PARD3: variants seen among roughly 807,000 people sequenced by gnomAD.
PARD3 encodes the protein partitioning defective 3 homolog.
PARD3 carries 75 observed loss-of-function variants against 155.4 expected under a neutral mutation model. The observed-to-expected ratio is 0.48, with a 90% CI of 0.40 to 0.58. The LOEUF (loss-of-function observed/expected upper bound fraction) is 0.58, where lower values mean the gene tolerates loss of function less well. Ranked by LOEUF, PARD3 falls within the 20% of genes least tolerant of loss-of-function variation. The probability of loss-of-function intolerance (pLI) is 0.00; values close to 1 mark genes in which losing one functional copy is unlikely to be tolerated. For missense variants in PARD3, 1,642 were observed against 1,721.7 expected (o/e 0.95, Z 0.82); for synonymous variants, 576 against 610.5 (o/e 0.94, Z 0.83).
intron 22 of PARD3, among the ~76,000 whole-genome samples, chr10:34,140,704 G>A: frequency 6.6e-6 from 1 of 152,154 alleles, no homozygotes; most frequent in East Asian, 1.9e-4. Flanking sequence ...GCTTCATTAA[G>A]TTTTATCAGC....
At chr10:34,358,989 C>T (rs1401237245) in intron 14 of PARD3, among the ~76,000 whole-genome samples, 158 bp downstream of exon 14, 1 of 152,162 alleles carries the variant, frequency 6.6e-6, no homozygotes, top group African/African-American at 2.4e-5. Flanking sequence ...AGAACACAAA[C>T]CACAATCCAC....
chr10:34,681,762 ATATATATTTTTTTTTTTTTTTT>A (rs2093841585), intron 2 of PARD3, among the ~76,000 whole-genome samples: 1 of 22,404 alleles, frequency 4.5e-5, no homozygotes, highest in Non-Finnish European at 7.2e-5. Context: ...ATATATATAT[ATATATATTTTTTTTTTTTTTTT>A]TTTTTTTTTT....
At chr10:34,312,266 TTAAAAG>T (rs1957740141) in intron 20 of PARD3, 2 of 1,603,804 alleles carry the variant, frequency 1.2e-6, no homozygotes, top group Non-Finnish European at 1.7e-6. Context: ...TAAGAATTCA[TTAAAAG>T]TAAATTTATT....
chr10:34,129,873 T>C (rs1588873627), intron 23 of PARD3, among the ~76,000 whole-genome samples: 1 of 150,060 alleles, frequency 6.7e-6, no homozygotes. Flanking sequence ...TCTCCCTATG[T>C]TGCCCAAGCT....
chr10:34,718,603 G>C (rs143073020), intron 1 of PARD3, among the ~76,000 whole-genome samples: 4 of 152,112 alleles, frequency 2.6e-5, no homozygotes, highest in African/African-American at 7.2e-5. Flanking sequence ...AGGATGCAGT[G>C]AGCTGTGATC....
At chr10:34,373,631 A>G (rs1209231742) in intron 11 of PARD3, among the ~76,000 whole-genome samples, 2 of 152,070 alleles carry the variant, frequency 1.3e-5, no homozygotes, top group African/African-American at 4.8e-5. Context: ...GGGGAAAACG[A>G]AAAACTGAAT....
intron 22 of PARD3, among the ~76,000 whole-genome samples, chr10:34,252,947 T>C (rs1324099689): frequency 6.6e-6 from 1 of 152,176 alleles, no homozygotes; most frequent in Non-Finnish European, 1.5e-5. Context: ...TGTAGGAAAC[T>C]GTGAACCTGT....
At chr10:34,569,224 G>A (rs1026156039) in intron 2 of PARD3, among the ~76,000 whole-genome samples, 6 of 152,080 alleles carry the variant, frequency 3.9e-5, no homozygotes, top group Non-Finnish European at 8.8e-5. Flanking sequence ...GTAGAGAAAC[G>A]CAAAATCATT....
chr10:34,507,548 C>CAAAAAAAAACAAAA (rs2081148547), intron 3 of PARD3, among the ~76,000 whole-genome samples: 1 of 42,986 alleles, frequency 2.3e-5, no homozygotes, highest in African/African-American at 1.1e-4. Flanking sequence ...ATTAAAAAAA[C>CAAAAAAAAACAAAA]AAAAAAAAAA....
At chr10:34,725,615 A>G (rs2094695253) in intron 1 of PARD3, among the ~76,000 whole-genome samples, 1 of 152,194 alleles carries the variant, frequency 6.6e-6, no homozygotes, top group Non-Finnish European at 1.5e-5. Flanking sequence ...GGGGGGGCAC[A>G]ATATCTAGTG....
At chr10:34,468,814 A>G (rs1478484349) in intron 4 of PARD3, among the ~76,000 whole-genome samples, 1 of 152,196 alleles carries the variant, frequency 6.6e-6, no homozygotes, top group Non-Finnish European at 1.5e-5. Context: ...AATGCAAACC[A>G]AAGTTGAAAG....
intron 22 of PARD3, among the ~76,000 whole-genome samples, chr10:34,163,801 A>G (rs1949395567): frequency 6.6e-6 from 1 of 152,192 alleles, no homozygotes; most frequent in Non-Finnish European, 1.5e-5. Context: ...AAGAATGAGA[A>G]TCCAGGATGT....
intron 20 of PARD3, among the ~76,000 whole-genome samples, 177 bp from the exon 21 acceptor site, chr10:34,284,422 C>T (rs923343122): frequency 2.0e-5 from 3 of 152,154 alleles, no homozygotes; most frequent in African/African-American, 7.2e-5. Context: ...TTATTTTATT[C>T]ATTTTTAATT....
intron 1 of PARD3, among the ~76,000 whole-genome samples, chr10:34,709,345 C>T (rs991321184): frequency 5.3e-5 from 8 of 152,108 alleles, no homozygotes; most frequent in African/African-American, 1.7e-4. Context: ...CATGTCAGGG[C>T]TCAAAAAGTT....
At chr10:34,445,256 GT>G (rs1211815345) in intron 5 of PARD3, among the ~76,000 whole-genome samples, 1 of 152,216 alleles carries the variant, frequency 6.6e-6, no homozygotes, top group East Asian at 1.9e-4. Flanking sequence ...TAGATTTCTA[GT>G]GTATAAAGCA....
At chr10:34,311,816 G>C (rs1458568132) in intron 20 of PARD3, among the ~76,000 whole-genome samples, 1 of 152,134 alleles carries the variant, frequency 6.6e-6, no homozygotes, top group Non-Finnish European at 1.5e-5. Context: ...TGCCAAAAAG[G>C]CCCTTTCAAA....
intron 5 of PARD3, among the ~76,000 whole-genome samples, chr10:34,438,423 C>T (rs558821306): frequency 2.0e-5 from 3 of 152,054 alleles, no homozygotes; most frequent in Non-Finnish European, 2.9e-5. Context: ...TACAAATGTA[C>T]ATGTCTTCAT....
At chr10:34,114,581 G>T (rs997050134) in intron 24 of PARD3, among the ~76,000 whole-genome samples, 1 of 152,188 alleles carries the variant, frequency 6.6e-6, no homozygotes, top group African/African-American at 2.4e-5. Context: ...CTGAACTCAA[G>T]TGATCTGCCG....
intron 23 of PARD3, among the ~76,000 whole-genome samples, chr10:34,120,072 A>G (rs994227759): frequency 1.5e-5 from 2 of 131,618 alleles, no homozygotes; most frequent in Non-Finnish European, 3.1e-5. Context: ...GCAGGAGTGC[A>G]GTAGTGCAAT....
Sources: gnomAD v4.1 joint callset for allele counts (sites outside exome capture counted in the v4.1 genomes callset) on GRCh38, gnomAD v4.1.1 for gene constraint, MANE v1.5 for transcripts, NCBI Gene and HGNC (gene_info 2026-07-23, HGNC 2026-07-21) for gene names.